NRG2: variants seen among roughly 807,000 people sequenced by gnomAD.
NRG2 encodes the protein pro-neuregulin-2, membrane-bound isoform.
NRG2 carries 27 observed loss-of-function variants against 73.9 expected under a neutral mutation model. The ratio of observed to expected loss-of-function variants is 0.37; its 90% CI spans 0.27 to 0.50. The LOEUF (loss-of-function observed/expected upper bound fraction) is 0.50, where lower values mean the gene tolerates loss of function less well. Ranked by LOEUF, NRG2 falls within the 20% of genes least tolerant of loss-of-function variation. The pLI is 0.96. For missense variants in NRG2, 1,126 were observed against 1,210.1 expected (o/e 0.93, Z 1.03); for synonymous variants, 532 against 541.0 (o/e 0.98, Z 0.23).
At chr5:139,985,696 C>T (rs1451237986) in intron 1 of NRG2, among the ~76,000 whole-genome samples, 1 of 152,218 alleles carries the variant, frequency 6.6e-6, no homozygotes, top group Non-Finnish European at 1.5e-5. Context: ...TCCCAGGCTT[C>T]CCAATCTCAG....
intron 1 of NRG2, among the ~76,000 whole-genome samples, chr5:139,953,563 TG>T: frequency 6.6e-6 from 1 of 152,124 alleles, no homozygotes; most frequent in East Asian, 1.9e-4. Context: ...CAGGGCTAGG[TG>T]GTCTGACTAC....
intron 1 of NRG2, among the ~76,000 whole-genome samples, chr5:139,919,043 C>A (rs1751475824): frequency 6.6e-6 from 1 of 152,252 alleles, no homozygotes; most frequent in Non-Finnish European, 1.5e-5. Flanking sequence ...TCTAGCCATG[C>A]CTGACTGCAG....
intron 3 of NRG2, among the ~76,000 whole-genome samples, chr5:139,876,769 CAGTT>C (rs1335911797): frequency 6.6e-6 from 1 of 152,046 alleles, no homozygotes; most frequent in Admixed American, 6.6e-5. Context: ...ACCTTCCTCT[CAGTT>C]TGTTAGAAAA....
chr5:139,867,762 C>CTGTGTGTGTGTGTGTG (rs367771225), intron 4 of NRG2, among the ~76,000 whole-genome samples: 4 of 128,874 alleles, frequency 3.1e-5, no homozygotes, highest in East Asian at 2.4e-4. Flanking sequence ...GAAGGGAAAC[C>CTGTGTGTGTGTGTGTG]TGTGTGTGTG....
chr5:139,916,054 C>T (rs1751228433), intron 1 of NRG2, among the ~76,000 whole-genome samples: 1 of 152,190 alleles, frequency 6.6e-6, no homozygotes, highest in African/African-American at 2.4e-5. Context: ...CTCTTGGAGG[C>T]TCATCCAGCA....
At position 140,042,393 on chromosome 5, in the gene NRG2, C is replaced by A. The variant is rs781615974; in HGVS notation, c.677G>T (p.Gly226Val). Residue 226 changes from glycine (G) to valine (V), a missense_variant, in exon 1 of 10, where the codon GGC becomes GTC. Gly to Val is a moderately radical substitution (Grantham distance 109, BLOSUM62 -3). Coordinates refer to ENST00000361474, the MANE Select transcript of NRG2 (RefSeq NM_004883.3). ...ACCGCAGTCAGTGCACAGGATCTTGCCCACCTCTTTCTTGAGATTTTTGCC... is the reference window on the plus strand; with the variant it reads ...ACCGCAGTCAGTGCACAGGATCTTGACCACCTCTTTCTTGAGATTTTTGCC... The part of the protein sequence containing the change: ...TNGKNLKKEV[G>V]KILCTDCATR... The A allele has an allele frequency of 6.3e-7, 1 of 1,589,368 alleles. No individual in the cohort carries two copies. Among genetic ancestry groups the A allele is most frequent in the Non-Finnish European group, 8.6e-7 (1 of 1,166,680 alleles).
At chr5:139,996,063 T>C (rs933501331) in intron 1 of NRG2, among the ~76,000 whole-genome samples, 12 of 152,174 alleles carry the variant, frequency 7.9e-5, no homozygotes, top group Admixed American at 5.9e-4. Flanking sequence ...CAGAAAGTTA[T>C]TTATTTATTT....
Position 139,853,209 on chromosome 5 carries a change from G to A in NRG2, c.1293-182C>T, listed in dbSNP as rs1463187645. ...CACCTGAATCCAATAGGACCTGAGC[G>A]TCGTGGCAGTGAGCTCTGGCTCTGC... On this transcript the variant is annotated intron_variant, in intron 6 of 9. Coordinates refer to ENST00000361474, the MANE Select transcript of NRG2 (RefSeq NM_004883.3). This position sits in a 1 kb window ranked among gnomAD's most constrained non-coding sequence, Gnocchi z 4.1. Among the ~76,000 whole-genome samples the A allele has an allele frequency of 1.3e-5, 2 of 152,194 alleles. No individual in the cohort carries two copies. Among genetic ancestry groups the A allele is most frequent in the African/African-American group, 4.8e-5 (2 of 41,446 alleles).
intron 1 of NRG2, among the ~76,000 whole-genome samples, chr5:139,973,123 T>C (rs1270613486): frequency 7.6e-6 from 1 of 131,918 alleles, no homozygotes; most frequent in East Asian, 2.2e-4. Flanking sequence ...TTTAGTTCCA[T>C]CTGGGAATGC....
intron 1 of NRG2, among the ~76,000 whole-genome samples, chr5:139,961,547 C>G (rs1382318535): frequency 6.6e-6 from 1 of 152,210 alleles, no homozygotes; most frequent in East Asian, 1.9e-4. Context: ...ACAGCAACCC[C>G]GTAGGGGCTG....
chr5:139,958,388 C>T lies in NRG2; in HGVS notation c.701-70877G>A, dbSNP rs139261176. 8.1e-4 allele frequency among the ~76,000 whole-genome samples: 124 copies of T among 152,258 alleles called. 1 individual carries two copies. Among genetic ancestry groups the T allele is most frequent in the African/African-American group, 2.9e-3 (121 of 41,552 alleles). Reference sequence around the variant, plus strand: ...CTTTTTGATTTGAAATCTCTCTTTTCCAAACTTTGCAGAGCACATACTGTC... The same window carrying T: ...CTTTTTGATTTGAAATCTCTCTTTTTCAAACTTTGCAGAGCACATACTGTC... On this transcript the variant is annotated intron_variant, in intron 1 of 9. Transcript: ENST00000361474.
intron 1 of NRG2, among the ~76,000 whole-genome samples, chr5:139,899,394 T>C (rs1764738481): frequency 6.6e-6 from 1 of 152,238 alleles, no homozygotes; most frequent in Non-Finnish European, 1.5e-5. Context: ...GTGCTTTAAA[T>C]CAGGTTCCCA....
intron 1 of NRG2, among the ~76,000 whole-genome samples, chr5:139,906,012 T>G (rs1409115847): frequency 6.6e-6 from 1 of 152,064 alleles, no homozygotes; most frequent in Non-Finnish European, 1.5e-5. Flanking sequence ...CTTTCTTTCT[T>G]TCTTTCTTTT....
Position 139,904,533 on chromosome 5 carries a change from G to A in NRG2, c.701-17022C>T, listed in dbSNP as rs1483423424. On this transcript the variant is annotated intron_variant, in intron 1 of 9. Coordinates refer to ENST00000361474, the MANE Select transcript of NRG2 (RefSeq NM_004883.3). The surrounding 1 kb of genome is among the most constrained non-coding windows in gnomAD (Gnocchi z 6.0). ...ACACCCTCCGGGGGAGGGGAGCAGC[G>A]AGCCTTAACTCTTCCCCTCCCGCGC... 1.8e-5 allele frequency: 9 copies of A among 512,142 alleles called. No homozygotes were observed. The highest frequency in any genetic ancestry group is 7.4e-5 in the Admixed American group (2 of 26,982). The allele number at this position is 512,142 out of a possible 1,614,324, so 31.7% of individuals were successfully genotyped here. A position where few individuals can be genotyped will look rare whatever the true frequency, so the allele number is the denominator to read the frequency against.
chr5:139,974,886 G>C (rs1401014473), intron 1 of NRG2, among the ~76,000 whole-genome samples: 1 of 152,196 alleles, frequency 6.6e-6, no homozygotes, highest in African/African-American at 2.4e-5. Flanking sequence ...AAACCCAGAG[G>C]GGGACAGGCC....
chr5:140,006,366 C>T (rs959565103), intron 1 of NRG2, among the ~76,000 whole-genome samples: 2 of 152,182 alleles, frequency 1.3e-5, no homozygotes, highest in African/African-American at 4.8e-5. Context: ...ATGGCGTAAC[C>T]ATTCTGGAGG....
chr5:139,898,031 C>G (rs182885216), intron 1 of NRG2, among the ~76,000 whole-genome samples: 1 of 152,220 alleles, frequency 6.6e-6, no homozygotes, highest in African/African-American at 2.4e-5. Context: ...TTCATGTGTT[C>G]GTTCAAGAAT....
chr5:139,996,735 G>A (rs1758040325), intron 1 of NRG2, among the ~76,000 whole-genome samples: 3 of 152,164 alleles, frequency 2.0e-5, no homozygotes, highest in African/African-American at 4.8e-5. Context: ...CAAGTATACC[G>A]TAAGACCCTT....
intron 1 of NRG2, among the ~76,000 whole-genome samples, chr5:139,984,051 A>G (rs770325264): frequency 1.1e-4 from 16 of 152,206 alleles, no homozygotes; most frequent in Admixed American, 7.9e-4. Flanking sequence ...ATGAACAGGT[A>G]TTTGCCATCA....
Sources: gnomAD v4.1 joint callset for allele counts (sites outside exome capture counted in the v4.1 genomes callset) on GRCh38, gnomAD v4.1.1 for gene constraint, Gnocchi (gnomAD v3.1) non-coding constraint, MANE v1.5 for transcripts, NCBI Gene and HGNC (gene_info 2026-07-23, HGNC 2026-07-21) for gene names.